The following LRRTM4 variants were observed in gnomAD, a reference collection of about 807,000 sequenced individuals.
The protein encoded by LRRTM4 is leucine-rich repeat transmembrane neuronal protein 4.
A neutral mutation model predicts 47.6 loss-of-function variants in LRRTM4; 25 were observed. The ratio of observed to expected loss-of-function variants is 0.53; its 90% CI spans 0.38 to 0.73. The LOEUF (loss-of-function observed/expected upper bound fraction) is 0.73, where lower values mean the gene tolerates loss of function less well. LRRTM4 is among the 30% of genes least tolerant of loss of function. LRRTM4 has a pLI of 0.00. For synonymous variants in LRRTM4, 311 were observed against 269.5 expected (o/e 1.15, Z -1.51); for missense variants, 638 against 713.4 (o/e 0.89, Z 1.20).
intron 3 of LRRTM4, among the ~76,000 whole-genome samples, chr2:76,770,054 A>G (rs1042442289): frequency 6.6e-6 from 1 of 152,172 alleles, no homozygotes; most frequent in African/African-American, 2.4e-5. Context: ...TGTTGCTTTT[A>G]GAGTGGGAGA....
intron 3 of LRRTM4, among the ~76,000 whole-genome samples, chr2:76,946,387 T>C (rs1280394892): frequency 6.6e-6 from 1 of 151,918 alleles, no homozygotes; most frequent in Non-Finnish European, 1.5e-5. Context: ...TTTATAACTA[T>C]AGTGGCACAT....
chr2:77,362,115 G>GAGAAAGACAGAAAGAA (rs1672240461), intron 3 of LRRTM4, among the ~76,000 whole-genome samples: 3 of 98,840 alleles, frequency 3.0e-5, no homozygotes, highest in African/African-American at 1.4e-4. Context: ...GAAAGAAAGA[G>GAGAAAGACAGAAAGAA]AGAAAGAAAG....
intron 3 of LRRTM4, among the ~76,000 whole-genome samples, chr2:77,129,568 G>T (rs1671741337): frequency 6.6e-6 from 1 of 152,246 alleles, no homozygotes; most frequent in Middle Eastern, 3.4e-3. Context: ...ATCACATATT[G>T]TTTATATCAG....
intron 3 of LRRTM4, among the ~76,000 whole-genome samples, chr2:76,961,661 AC>A (rs911241387): frequency 1.3e-5 from 2 of 151,332 alleles, no homozygotes; most frequent in African/African-American, 4.8e-5. Context: ...ATTAATGAAT[AC>A]TTTTACATTA....
rs568183032 is a variant in LRRTM4 at position 77,243,398 on chromosome 2, G to A, written c.1551+274920C>T. ...GCACTCCAGCCTGGGCAACGAGAGC[G>A]AAACTCCGTCTCAAAATAAAAAAAA... is the stretch of plus-strand genomic sequence containing the variant. On this transcript the variant is annotated intron_variant, in intron 3 of 3. Transcript: ENST00000409884. Among the ~76,000 whole-genome samples, 18 of 130,860 alleles carry A rather than the reference G, an allele frequency of 1.4e-4. No individual in the cohort carries two copies. The South Asian group carries it at 4.3e-3, about 31-fold the overall frequency. The allele number at this position is 130,860 out of a possible 152,430, so 85.8% of individuals were successfully genotyped here.
intron 3 of LRRTM4, among the ~76,000 whole-genome samples, chr2:77,326,706 CTCTT>C (rs1670790123): frequency 6.6e-6 from 1 of 152,172 alleles, no homozygotes; most frequent in Admixed American, 6.5e-5. Flanking sequence ...TCACCTATAA[CTCTT>C]TATAGTCAAA....
intron 3 of LRRTM4, among the ~76,000 whole-genome samples, chr2:77,506,501 C>G (rs1193211065): frequency 1.3e-5 from 2 of 151,646 alleles, no homozygotes; most frequent in Non-Finnish European, 3.0e-5. Flanking sequence ...AAAAAAGGTT[C>G]TACTGCACTA....
chr2:76,901,491 G>A (rs945322425), intron 3 of LRRTM4, among the ~76,000 whole-genome samples: 1 of 152,094 alleles, frequency 6.6e-6, no homozygotes, highest in Non-Finnish European at 1.5e-5. Flanking sequence ...AAAAAAGGGA[G>A]AGCAGTGTTA....
In LRRTM4 at chr2:77,088,072, T is replaced by C. The variant is rs555098309; in HGVS notation, c.1552-339156A>G. On this transcript the variant is annotated intron_variant, in intron 3 of 3. Transcript: ENST00000409884. ...GTGCTGAATGTGTCACTGAGCTAGC[T>C]ACAGCTTCATGTCAAGTTAAATGAT... Among the ~76,000 whole-genome samples, 3 of 152,320 alleles carry C rather than the reference T, an allele frequency of 2.0e-5. No homozygotes were observed. In the South Asian group the frequency reaches 6.2e-4, roughly 32 times the overall value.
rs189368862 is a variant in LRRTM4, at chr2:76,941,457, G to A, written c.1552-192541C>T. Among the ~76,000 whole-genome samples, 478 of 151,888 alleles carry A rather than the reference G, an allele frequency of 3.1e-3. 4 individuals are homozygous for A. The highest frequency in any genetic ancestry group is 0.01 in the African/African-American group (426 of 41,406). ...TTAGGTATTTATCCTAATCTTATCC[G>A]TCCCCTTGCCCCTAATCCCCCAACA... On this transcript the variant is annotated intron_variant, in intron 3 of 3. Transcript: ENST00000409884.
chr2:76,798,598 A>C (rs865898683), intron 3 of LRRTM4, among the ~76,000 whole-genome samples: 69 of 150,050 alleles, frequency 4.6e-4, no homozygotes, highest in African/African-American at 1.0e-3. Context: ...AATAACTAAA[A>C]TCACAGCAGA....
chr2:77,195,570 A>G (rs1317311160), intron 3 of LRRTM4, among the ~76,000 whole-genome samples: 1 of 152,154 alleles, frequency 6.6e-6, no homozygotes, highest in Non-Finnish European at 1.5e-5. Context: ...GTAAAGTTGT[A>G]AATATGTATA....
intron 3 of LRRTM4, among the ~76,000 whole-genome samples, chr2:76,953,048 G>C (rs1357103304): frequency 1.3e-5 from 2 of 151,570 alleles, no homozygotes; most frequent in African/African-American, 2.4e-5. Context: ...AAAAGAATGG[G>C]AGAATGGTTC....
intron 3 of LRRTM4, among the ~76,000 whole-genome samples, chr2:77,427,086 C>G (rs1340033897): frequency 6.6e-6 from 1 of 150,912 alleles, no homozygotes; most frequent in Non-Finnish European, 1.5e-5. Flanking sequence ...TCAAGTGATT[C>G]TCCTGCCCCA....
At chr2:77,040,980 A>G (rs1679010017) in intron 3 of LRRTM4, among the ~76,000 whole-genome samples, 2 of 151,428 alleles carry the variant, frequency 1.3e-5, no homozygotes, top group African/African-American at 4.8e-5. Context: ...ACACATTATT[A>G]TAATTATAGT....
chr2:76,887,386 A>G (rs572671456), intron 3 of LRRTM4, among the ~76,000 whole-genome samples: 6 of 151,596 alleles, frequency 4.0e-5, no homozygotes, highest in South Asian at 2.1e-4. Flanking sequence ...ACCAAGGCCA[A>G]TACCAAAAAT....
chr2:77,096,869 A>G (rs1402409320), intron 3 of LRRTM4, among the ~76,000 whole-genome samples: 1 of 151,850 alleles, frequency 6.6e-6, no homozygotes, highest in African/African-American at 2.4e-5. Flanking sequence ...ACTTTCAGAT[A>G]TATCAGCTAT....
intron 3 of LRRTM4, among the ~76,000 whole-genome samples, chr2:77,486,055 C>G (rs1472367208): frequency 6.6e-6 from 1 of 152,090 alleles, no homozygotes. Context: ...AAATTTAGAA[C>G]CTCTAGCATG....
At chr2:77,164,385 A>G (rs1672820998) in intron 3 of LRRTM4, among the ~76,000 whole-genome samples, 1 of 152,174 alleles carries the variant, frequency 6.6e-6, no homozygotes, top group African/African-American at 2.4e-5. Context: ...CCTACTGTCA[A>G]CATTAGACAG....
Sources: gnomAD v4.1 joint callset for allele counts (sites outside exome capture counted in the v4.1 genomes callset) on GRCh38, gnomAD v4.1.1 for gene constraint, MANE v1.5 for transcripts, NCBI Gene and HGNC (gene_info 2026-07-23, HGNC 2026-07-21) for gene names.